The following CWC27 variants were observed in gnomAD, a reference collection of about 807,000 sequenced individuals.
The protein encoded by CWC27 is CWC27 spliceosome associated cyclophilin.
In CWC27, 47 loss-of-function variants were observed where a neutral mutation model predicts 63.6. The ratio of observed to expected loss-of-function variants is 0.74; its 90% CI spans 0.58 to 0.94. The LOEUF (loss-of-function observed/expected upper bound fraction) is 0.94, where lower values mean the gene tolerates loss of function less well. CWC27 is among the 40% of genes least tolerant of loss of function. CWC27 has a pLI of 0.00. For synonymous variants in CWC27, 175 were observed against 179.8 expected (o/e 0.97, Z 0.22); for missense variants, 495 against 554.3 (o/e 0.89, Z 1.07).
chr5:64,825,023 C>T (rs781476889), intron 10 of CWC27, among the ~76,000 whole-genome samples: 2 of 152,108 alleles, frequency 1.3e-5, no homozygotes, highest in Non-Finnish European at 2.9e-5. Flanking sequence ...TGAGCCACCG[C>T]ACCCGGCCAG....
chr5:64,781,821 T>G (rs146477034), intron 2 of CWC27, 100 bp from the exon 3 acceptor site: 3 of 545,164 alleles, frequency 5.5e-6, no homozygotes, highest in Non-Finnish European at 6.2e-6. Flanking sequence ...GTATTTAACA[T>G]TCTGGAAAAT....
intron 10 of CWC27, among the ~76,000 whole-genome samples, chr5:64,879,403 C>A (rs543156994): frequency 6.6e-6 from 1 of 151,980 alleles, no homozygotes; most frequent in Admixed American, 6.5e-5. Context: ...GAGAGAATTG[C>A]AGTCCTGAGT....
chr5:64,795,921 G>A (rs1301845622), intron 7 of CWC27, among the ~76,000 whole-genome samples: 1 of 151,630 alleles, frequency 6.6e-6, no homozygotes, highest in Non-Finnish European at 1.5e-5. Context: ...TTGGTTGGAT[G>A]GTTGGAAAAT....
At chr5:64,999,294 A>G (rs1467447079) in intron 13 of CWC27, among the ~76,000 whole-genome samples, 1 of 152,060 alleles carries the variant, frequency 6.6e-6, no homozygotes, top group Non-Finnish European at 1.5e-5. Flanking sequence ...TGATATTTTG[A>G]TAGGTGGATA....
At chr5:65,007,659 G>A (rs1472074816) in intron 13 of CWC27, among the ~76,000 whole-genome samples, 8 of 134,030 alleles carry the variant, frequency 6.0e-5, no homozygotes, top group Admixed American at 2.6e-4. Flanking sequence ...ATGGAGTCTC[G>A]CTCTGTCCCC....
intron 13 of CWC27, among the ~76,000 whole-genome samples, chr5:65,000,071 A>G (rs1449046342): frequency 6.6e-6 from 1 of 152,074 alleles, no homozygotes; most frequent in Non-Finnish European, 1.5e-5. Context: ...TTTGATTCGC[A>G]GGTCCCTAAT....
intron 11 of CWC27, among the ~76,000 whole-genome samples, chr5:64,923,523 G>A (rs1056283708): frequency 6.0e-5 from 9 of 149,090 alleles, no homozygotes; most frequent in South Asian, 2.2e-4. Context: ...AACCTCTCTC[G>A]GTGCATCTGT....
chr5:64,958,697 T>A (rs1173955139), intron 11 of CWC27, among the ~76,000 whole-genome samples: 1 of 152,126 alleles, frequency 6.6e-6, no homozygotes, highest in Non-Finnish European at 1.5e-5. Context: ...CATGAGACAA[T>A]TTGTAACCTG....
chr5:64,786,164 CAAAAAAA>C (rs1209111233), intron 5 of CWC27, among the ~76,000 whole-genome samples: 4 of 64,282 alleles, frequency 6.2e-5, no homozygotes, highest in African/African-American at 1.1e-4. Flanking sequence ...GACTCCATCT[CAAAAAAA>C]AAAAAAAAAA....
intron 7 of CWC27, among the ~76,000 whole-genome samples, chr5:64,790,316 C>T (rs1482082424): frequency 2.0e-5 from 3 of 152,238 alleles, no homozygotes; most frequent in Non-Finnish European, 2.9e-5. Context: ...AATTCCTTAA[C>T]GTCACCAATC....
At chr5:64,901,430 C>T (rs1747507988) in intron 11 of CWC27, among the ~76,000 whole-genome samples, 1 of 150,072 alleles carries the variant, frequency 6.7e-6, no homozygotes. Flanking sequence ...TACACTCCAG[C>T]CTGGGTGACA....
At chr5:64,930,314 G>A (rs965221695) in intron 11 of CWC27, among the ~76,000 whole-genome samples, 3 of 151,850 alleles carry the variant, frequency 2.0e-5, no homozygotes, top group South Asian at 2.1e-4. Context: ...TAGTGGTGAC[G>A]GTTTTACAAC....
At chr5:64,889,476 C>G (rs556555258) in intron 11 of CWC27, among the ~76,000 whole-genome samples, 1 of 151,974 alleles carries the variant, frequency 6.6e-6, no homozygotes, top group Non-Finnish European at 1.5e-5. Flanking sequence ...TCAAATGACC[C>G]AATTTTGGGT....
intron 12 of CWC27, among the ~76,000 whole-genome samples, chr5:64,976,521 A>T (rs1239334319): frequency 6.6e-6 from 1 of 151,636 alleles, no homozygotes; most frequent in East Asian, 1.9e-4. Flanking sequence ...TACATTTTTT[A>T]TTTTATTTTA....
chr5:64,961,458 T>A (rs560652293), intron 11 of CWC27, among the ~76,000 whole-genome samples: 2 of 152,292 alleles, frequency 1.3e-5, no homozygotes, highest in South Asian at 2.1e-4. Flanking sequence ...TATATTTTTT[T>A]AATTTTATTT....
At chr5:65,006,008 C>A (rs1034919207) in intron 13 of CWC27, among the ~76,000 whole-genome samples, 1 of 152,094 alleles carries the variant, frequency 6.6e-6, no homozygotes, top group Admixed American at 6.6e-5. Context: ...GTAATGTCAT[C>A]ATTCTTTATA....
chr5:64,928,366 T>A (rs1039110957), intron 11 of CWC27, among the ~76,000 whole-genome samples: 1 of 152,196 alleles, frequency 6.6e-6, no homozygotes, highest in African/African-American at 2.4e-5. Flanking sequence ...AATATAATGT[T>A]AGATAATGAC....
At chr5:64,876,694 C>T (rs1241495377) in intron 10 of CWC27, among the ~76,000 whole-genome samples, 2 of 151,794 alleles carry the variant, frequency 1.3e-5, no homozygotes, top group Non-Finnish European at 1.5e-5. Context: ...ACTTCATCAC[C>T]CTTATATTAA....
intron 10 of CWC27, among the ~76,000 whole-genome samples, chr5:64,837,428 G>A (rs1245527249): frequency 6.6e-6 from 1 of 151,712 alleles, no homozygotes; most frequent in Non-Finnish European, 1.5e-5. Context: ...AGTTTTTAAT[G>A]TGACTCCATT....
Sources: allele counts gnomAD v4.1 joint callset (sites outside exome capture counted in the v4.1 genomes callset), GRCh38; gene constraint gnomAD v4.1.1; transcripts MANE v1.5; gene names NCBI Gene and HGNC (gene_info 2026-07-23, HGNC 2026-07-21).